The following ZNF521 variants were observed in gnomAD, a reference collection of about 807,000 sequenced individuals.
The protein encoded by ZNF521 is LYST-interacting protein 3.
In ZNF521, 14 loss-of-function variants were observed where a neutral mutation model predicts 105.5. The ratio of observed to expected loss-of-function variants is 0.13; its 90% CI spans 0.09 to 0.21. The LOEUF is 0.21. ZNF521 is among the 10% of genes least tolerant of loss of function. ZNF521 has a pLI of 1.00. For synonymous variants in ZNF521, 635 were observed against 606.0 expected, an observed-to-expected ratio of 1.05 and a Z score of -0.70; for missense variants, 1,233 against 1,629.7, an observed-to-expected ratio of 0.76 and a Z score of 4.19.
intron 6 of ZNF521, among the ~76,000 whole-genome samples, chr18:25,090,728 T>A (rs756901361): frequency 9.2e-5 from 14 of 152,300 alleles, no homozygotes; most frequent in African/African-American, 3.4e-4. Flanking sequence ...GGCTACAACA[T>A]GAAAGACCTA....
intron 5 of ZNF521, among the ~76,000 whole-genome samples, chr18:25,125,435 T>A (rs1238650140): frequency 6.6e-6 from 1 of 152,142 alleles, no homozygotes; most frequent in African/African-American, 2.4e-5. Flanking sequence ...AAGACATACC[T>A]CATGTTCAAT....
At chr18:25,105,191 G>A (rs2034047804) in intron 5 of ZNF521, among the ~76,000 whole-genome samples, 1 of 152,112 alleles carries the variant, frequency 6.6e-6, no homozygotes, top group South Asian at 2.1e-4. Flanking sequence ...CGAGAGGAAG[G>A]GGAAGAATGC....
At chr18:25,071,434 T>G (rs1411082484) in intron 7 of ZNF521, among the ~76,000 whole-genome samples, 4 of 152,202 alleles carry the variant, frequency 2.6e-5, no homozygotes, top group Non-Finnish European at 2.9e-5. Context: ...TTAGGGATAT[T>G]TGCAATCTAA....
intron 3 of ZNF521, among the ~76,000 whole-genome samples, chr18:25,298,065 T>C (rs1022944731): frequency 2.9e-4 from 44 of 152,330 alleles, no homozygotes; most frequent in Non-Finnish European, 4.1e-4. Context: ...AAGGTGCCGA[T>C]GTTGGTTATA....
chr18:25,255,245 T>C (rs1908400146), intron 3 of ZNF521, among the ~76,000 whole-genome samples: 1 of 152,142 alleles, frequency 6.6e-6, no homozygotes, highest in Non-Finnish European at 1.5e-5. Flanking sequence ...GATTACTTTA[T>C]ATTTTTACAA....
chr18:25,282,377 C>T (rs377307344), intron 3 of ZNF521, among the ~76,000 whole-genome samples: 121 of 152,236 alleles, frequency 7.9e-4, no homozygotes, highest in African/African-American at 2.6e-3. Context: ...GTGACCAGTG[C>T]GTCGGGCCAC....
chr18:25,212,538 A>AAAATATAT (rs1555647923), intron 4 of ZNF521, among the ~76,000 whole-genome samples: 6 of 48,138 alleles, frequency 1.2e-4, no homozygotes, highest in African/African-American at 1.3e-4. Context: ...AAAAAAAAAA[A>AAAATATAT]ATATATATAT....
At chr18:25,222,646 A>G (rs1905809371) in intron 4 of ZNF521, among the ~76,000 whole-genome samples, 1 of 152,202 alleles carries the variant, frequency 6.6e-6, no homozygotes, top group South Asian at 2.1e-4. Context: ...TCTTGTAGGC[A>G]TATGTTAAGC....
intron 5 of ZNF521, among the ~76,000 whole-genome samples, chr18:25,149,984 T>C (rs2035016203): frequency 6.6e-6 from 1 of 152,236 alleles, no homozygotes; most frequent in Non-Finnish European, 1.5e-5. Context: ...GTTTTTGGTC[T>C]TTCTGCCTAT....
At position 25,180,091 on chromosome 18, in the gene ZNF521, T is replaced by C. The variant is rs1208284126; in HGVS notation, c.3658+15069A>G. Among the ~76,000 whole-genome samples the C allele has an allele frequency of 2.6e-5, 4 of 152,326 alleles. No individual in the cohort carries two copies. In the East Asian group the frequency reaches 7.7e-4, roughly 29 times the overall value. ...TTTTAGAGAAAGTTAAAAAAACTTT[T>C]TCGTTTAGAAATGAAAGCCCTTTTT... On this transcript the variant is annotated intron_variant, in intron 5 of 7. Transcript: ENST00000361524.
chr18:25,308,072 C>T (rs2145095764), intron 3 of ZNF521, among the ~76,000 whole-genome samples: 1 of 151,928 alleles, frequency 6.6e-6, no homozygotes, highest in South Asian at 2.1e-4. Flanking sequence ...CGTGATGGTG[C>T]ATGCCTATAA....
chr18:25,307,128 C>T (rs932799958), intron 3 of ZNF521, among the ~76,000 whole-genome samples: 5 of 152,116 alleles, frequency 3.3e-5, no homozygotes, highest in Non-Finnish European at 7.3e-5. Flanking sequence ...AATTTGGCCA[C>T]CCTCTCTACC....
chr18:25,205,206 G>C (rs2036060180), intron 4 of ZNF521, among the ~76,000 whole-genome samples: 1 of 145,890 alleles, frequency 6.9e-6, no homozygotes, highest in Non-Finnish European at 1.5e-5. Flanking sequence ...TTTGAGCTAG[G>C]AAAAGGAATT....
intron 4 of ZNF521, 62 bp downstream of exon 4, chr18:25,224,283 A>G: frequency 7.0e-7 from 1 of 1,428,488 alleles, no homozygotes; most frequent in Non-Finnish European, 9.6e-7. Flanking sequence ...GAGAGTGTAA[A>G]CATAAAGCAG....
At chr18:25,124,535 A>AT (rs2034503043) in intron 5 of ZNF521, among the ~76,000 whole-genome samples, 1 of 151,972 alleles carries the variant, frequency 6.6e-6, no homozygotes, top group Non-Finnish European at 1.5e-5. Flanking sequence ...GCCATCCTTT[A>AT]TTTTTTGCTT....
At chr18:25,128,511 A>G (rs769836255) in intron 5 of ZNF521, among the ~76,000 whole-genome samples, 9 of 152,100 alleles carry the variant, frequency 5.9e-5, no homozygotes, top group Non-Finnish European at 1.2e-4. Flanking sequence ...AAAGAAATTA[A>G]AACTTTGTTT....
intron 3 of ZNF521, among the ~76,000 whole-genome samples, chr18:25,313,073 G>A (rs904162309): frequency 5.3e-5 from 8 of 152,084 alleles, no homozygotes; most frequent in African/African-American, 1.7e-4. Flanking sequence ...AGGATACTCT[G>A]AATAGTCAGA....
At chr18:25,221,304 T>C (rs36113849) in intron 4 of ZNF521, among the ~76,000 whole-genome samples, 29,661 of 152,134 alleles carry the variant, frequency 0.19, 4,946 homozygotes, top group African/African-American at 0.46. Context: ...CTTTCATCCA[T>C]TTTTTGGATT....
At chr18:25,303,304 G>GTT (rs1427781069) in intron 3 of ZNF521, among the ~76,000 whole-genome samples, 12 of 111,100 alleles carry the variant, frequency 1.1e-4, no homozygotes, top group African/African-American at 2.2e-4. Context: ...GTGTGTGTGT[G>GTT]TGTGTGAGAG....
Sources: allele counts gnomAD v4.1 joint callset (sites outside exome capture counted in the v4.1 genomes callset), GRCh38; gene constraint gnomAD v4.1.1; transcripts MANE v1.5; gene names NCBI Gene and HGNC (gene_info 2026-07-23, HGNC 2026-07-21).